UCN3: variants seen among roughly 807,000 people sequenced by gnomAD.
The protein encoded by UCN3 is urocortin 3.
Under a neutral mutation model 3.6 loss-of-function variants are expected in UCN3, and 3 were observed. The ratio of observed to expected loss-of-function variants is 0.83; its 90% CI spans 0.38 to 2.15. The LOEUF (loss-of-function observed/expected upper bound fraction) is 2.15. UCN3 is among the 30% of genes most tolerant of loss of function. UCN3 has a pLI of 0.06. For synonymous variants in UCN3, 100 were observed against 93.2 expected (o/e 1.07, Z -0.42); for missense variants, 206 against 208.3 (o/e 0.99, Z 0.07).
chr10:5,370,395 ATATGTGTGTGTATATG>A (rs1564442889), intron 1 of UCN3, among the ~76,000 whole-genome samples: 5 of 16,934 alleles, frequency 3.0e-4, no homozygotes, highest in Admixed American at 4.5e-4. Flanking sequence ...ATGCGTGTGT[ATATGTGTGTGTATATG>A]TGTGTGTGTA....
chr10:5,368,127 C>T (rs1426472846), intron 1 of UCN3, among the ~76,000 whole-genome samples: 2 of 152,216 alleles, frequency 1.3e-5, no homozygotes, highest in Non-Finnish European at 2.9e-5. Flanking sequence ...CCTCAGCCTT[C>T]TGGGTAGCTG....
At chr10:5,370,445 A>ATG (rs1198154533) in intron 1 of UCN3, among the ~76,000 whole-genome samples, 2 of 50,852 alleles carry the variant, frequency 3.9e-5, no homozygotes, top group Non-Finnish European at 7.2e-5. Context: ...ATGCGTGTGT[A>ATG]TGTGTGTGTG....
rs1264622514 is a variant in UCN3, at chr10:5,367,907, T to C, written c.-7+2677T>C. 6.6e-6 allele frequency among the ~76,000 whole-genome samples: 1 copy of C among 151,800 alleles called. No homozygotes were observed. Among genetic ancestry groups the C allele is most frequent in the African/African-American group, 2.4e-5 (1 of 41,318 alleles). On this transcript the variant is annotated intron_variant, in intron 1 of 1. Coordinates refer to ENST00000380433, the MANE Select transcript of UCN3 (RefSeq NM_053049.4). This position sits in a 1 kb window ranked among gnomAD's most constrained non-coding sequence, Gnocchi z 4.3. The stretch of plus-strand genomic sequence containing the variant: ...TGAGTGAGGAAGCAAAATAAACAAA[T>C]GGGGTGGTGGGGCAGTGGGGAGAGA...
intron 1 of UCN3, among the ~76,000 whole-genome samples, chr10:5,369,985 ATATGTGTGTATG>A (rs1831326856): frequency 7.4e-5 from 4 of 53,880 alleles, no homozygotes; most frequent in Admixed American, 1.9e-4. Context: ...ATGCGTGTGT[ATATGTGTGTATG>A]TGTGTGTGTA....
Position 5,370,857 on chromosome 10 carries a change from G to GTA in UCN3, c.-6-2857_-6-2856insAT, listed in dbSNP as rs1564443677. ...TGTGTGCGCGTGTGTGTGCGCGTGT[G>GTA]TGTGCGTGTGTATGTGTGTGTATAT... On this transcript the variant is annotated intron_variant, in intron 1 of 1. Coordinates refer to ENST00000380433, the MANE Select transcript of UCN3 (RefSeq NM_053049.4). Among the ~76,000 whole-genome samples the GTA allele has an allele frequency of 9.0e-5, 9 of 99,812 alleles. No individual in the cohort carries two copies. The South Asian group carries it at 2.4e-3, about 27-fold the overall frequency. The allele number at this position is 99,812 out of a possible 152,430, so 65.5% of individuals were successfully genotyped here.
chr10:5,370,696 T>TATGTGTGTGTATATG (rs1368644056), intron 1 of UCN3, among the ~76,000 whole-genome samples: 3 of 110,074 alleles, frequency 2.7e-5, no homozygotes, highest in African/African-American at 1.1e-4. Flanking sequence ...TATGTGTGTA[T>TATGTGTGTGTATATG]ATGTGTGTGT....
chr10:5,368,953 G>T (rs1001950033), intron 1 of UCN3, among the ~76,000 whole-genome samples: 1 of 152,128 alleles, frequency 6.6e-6, no homozygotes, highest in Non-Finnish European at 1.5e-5. Flanking sequence ...TCAGACCTCA[G>T]CATCAGCATC....
intron 1 of UCN3, among the ~76,000 whole-genome samples, chr10:5,370,900 T>C (rs1197670382): frequency 4.0e-5 from 6 of 149,526 alleles, no homozygotes; most frequent in Admixed American, 4.0e-4. Context: ...TATATGCGTG[T>C]GTATATGCGT....
chr10:5,373,571 G>T (rs1020760144), intron 1 of UCN3, 144 bp from the exon 2 acceptor site: 1 of 1,322,024 alleles, frequency 7.6e-7, no homozygotes. Context: ...GTCCCAGCCC[G>T]GGCTGATGCT....
intron 1 of UCN3, among the ~76,000 whole-genome samples, chr10:5,370,920 C>CTGT (rs1831412452): frequency 9.1e-6 from 1 of 109,846 alleles, no homozygotes; most frequent in Non-Finnish European, 1.9e-5. Context: ...TGTGTATATG[C>CTGT]GTGTGTATAT....
rs970965939 is a variant in UCN3 at position 5,371,258 on chromosome 10, T to G, written c.-6-2457T>G. 4.6e-5 allele frequency among the ~76,000 whole-genome samples: 7 copies of G among 151,302 alleles called. 1 individual carries two copies. Among genetic ancestry groups the G allele is most frequent in the African/African-American group, 1.5e-4 (6 of 40,834 alleles). ...TGCATGTCTATATGTATGTGTGAGG[T>G]GTGTGTGCGTGTATGTGCATGTATA... On this transcript the variant is annotated intron_variant, in intron 1 of 1. Transcript: ENST00000380433.
At chr10:5,369,915 A>ATGTGTGTGTGTATG (rs1204886146) in intron 1 of UCN3, among the ~76,000 whole-genome samples, 1 of 77,460 alleles carries the variant, frequency 1.3e-5, no homozygotes, top group African/African-American at 6.7e-5. Context: ...GTGTGTGTAT[A>ATGTGTGTGTGTATG]TGTGTGTGTA....
rs1831460418 is a variant in UCN3 at position 5,373,762 on chromosome 10, C to T, written c.42C>T (p.Leu14=). Residue 14 remains leucine, a synonymous_variant, in exon 2 of 2, where the codon CTC becomes CTT. Coordinates refer to ENST00000380433, the MANE Select transcript of UCN3 (RefSeq NM_053049.4). ...PVHFLLLLLL[L]LGGPRTGLPH... ...ACTTCCTGCTGCTCCTGCTGCTGCT[C>T]CTGGGGGGCCCCAGGACAGGCCTCC... The T allele has an allele frequency of 3.1e-6, 5 of 1,613,774 alleles. No homozygotes were observed. Among genetic ancestry groups the T allele is most frequent in the Admixed American group, 1.7e-5 (1 of 59,992 alleles).
At chr10:5,371,949 GC>G (rs1316147020) in intron 1 of UCN3, among the ~76,000 whole-genome samples, 1 of 152,180 alleles carries the variant, frequency 6.6e-6, no homozygotes, top group Non-Finnish European at 1.5e-5. Context: ...AAATAGCAGA[GC>G]CTTTCACTGC....
chr10:5,373,782 G>A lies in UCN3; in HGVS notation c.62G>A (p.Gly21Asp). The change falls in exon 2 of 2, where the codon GGC (glycine) becomes GAC (aspartate). Residue 21 changes from glycine (G) to aspartate (D), a missense_variant. Physicochemically the swap from Gly to Asp is moderately conservative, Grantham distance 94. Transcript: ENST00000380433. ...CTGCTCCTGGGGGGCCCCAGGACAGGCCTCCCCCACAAGTTCTACAAAGCC... is the reference window on the plus strand; with the variant it reads ...CTGCTCCTGGGGGGCCCCAGGACAGACCTCCCCCACAAGTTCTACAAAGCC... Reference protein sequence around the residue: ...LLLLLGGPRTGLPHKFYKAKP... With the variant: ...LLLLLGGPRTDLPHKFYKAKP... 6.2e-7 allele frequency: 1 copy of A among 1,613,872 alleles called. No homozygotes were observed. Among genetic ancestry groups the A allele is most frequent in the Non-Finnish European group, 8.5e-7 (1 of 1,179,914 alleles).
intron 1 of UCN3, among the ~76,000 whole-genome samples, chr10:5,370,862 C>CGTGTGTGT (rs1319076011): frequency 2.2e-5 from 1 of 45,332 alleles, no homozygotes; most frequent in African/African-American, 9.6e-5. Flanking sequence ...CGTGTGTGTG[C>CGTGTGTGT]GTGTGTATGT....
In UCN3 at chr10:5,370,850, C is replaced by CGTGTGTAT. The variant is rs1554811415; in HGVS notation, c.-6-2864_-6-2863insTGTGTATG. Among the ~76,000 whole-genome samples the CGTGTGTAT allele has an allele frequency of 7.4e-4, 47 of 63,702 alleles. 6 individuals are homozygous for CGTGTGTAT. Among genetic ancestry groups the CGTGTGTAT allele is most frequent in the African/African-American group, 2.7e-3 (47 of 17,118 alleles). 41.8% of individuals were successfully genotyped at this position (63,702 alleles called of 152,430 possible). A position where few individuals can be genotyped will look rare whatever the true frequency, so the allele number is the denominator to read the frequency against. On this transcript the variant is annotated intron_variant, in intron 1 of 1. Coordinates refer to ENST00000380433, the MANE Select transcript of UCN3 (RefSeq NM_053049.4). The stretch of plus-strand genomic sequence containing the variant: ...GCGCGTGTGTGTGCGCGTGTGTGTG[C>CGTGTGTAT]GCGTGTGTGTGCGTGTGTATGTGTG...
chr10:5,371,945 C>G (rs952040106), intron 1 of UCN3, among the ~76,000 whole-genome samples: 1 of 152,190 alleles, frequency 6.6e-6, no homozygotes, highest in Non-Finnish European at 1.5e-5. Flanking sequence ...ATGTAAATAG[C>G]AGAGCCTTTC....
intron 1 of UCN3, among the ~76,000 whole-genome samples, chr10:5,369,054 T>C (rs1480319248): frequency 6.6e-6 from 1 of 152,190 alleles, no homozygotes; most frequent in African/African-American, 2.4e-5. Flanking sequence ...AGGCTGTGTT[T>C]GAACCGCGCC....
Sources: gnomAD v4.1 joint callset for allele counts (sites outside exome capture counted in the v4.1 genomes callset) on GRCh38, gnomAD v4.1.1 for gene constraint, Gnocchi (gnomAD v3.1) non-coding constraint, MANE v1.5 for transcripts, NCBI Gene and HGNC (gene_info 2026-07-23, HGNC 2026-07-21) for gene names.